PPIC: variants seen among roughly 807,000 people sequenced by gnomAD.
PPIC encodes the protein peptidyl-prolyl cis-trans isomerase C.
A neutral mutation model predicts 19.5 loss-of-function variants in PPIC; 19 were observed. The ratio of observed to expected loss-of-function variants is 0.98; its 90% CI spans 0.68 to 1.43. The LOEUF is 1.43. Ranked by LOEUF, PPIC falls within the 40% of genes most tolerant of loss-of-function variation. The pLI is 0.00. For missense variants in PPIC, 268 were observed against 268.6 expected (o/e 1.00, Z 0.02); for synonymous variants, 107 against 101.2 (o/e 1.06, Z -0.34).
At chr5:123,028,627 T>G (rs1400122595) in intron 3 of PPIC, 148 bp downstream of exon 3, 1 of 588,926 alleles carries the variant, frequency 1.7e-6, no homozygotes, top group Admixed American at 3.4e-5. Flanking sequence ...GCTAGATGAG[T>G]CCCCAAAACT....
chr5:123,036,488 C>T lies in PPIC; in HGVS notation c.117+21G>A, dbSNP rs770123185. 2 of 1,592,992 alleles carry T rather than the reference C, an allele frequency of 1.3e-6. No individual in the cohort carries two copies. On this transcript the variant is annotated intron_variant, in intron 1 of 4. Coordinates refer to ENST00000306442, the MANE Select transcript of PPIC (RefSeq NM_000943.5). This position sits in a 1 kb window ranked among gnomAD's most constrained non-coding sequence, Gnocchi z 4.5. ...GCCCCGCCCGCAACAGGGGAAGTTG[C>T]AGCCCGCCGCTCTCGGTCACCTTGG...
intron 1 of PPIC, 129 bp from the exon 2 acceptor site, chr5:123,029,547 G>T: frequency 7.2e-7 from 1 of 1,394,224 alleles, no homozygotes. Context: ...TTGTAAAGGA[G>T]CATGACATCA....
chr5:123,027,207 A>G (rs1355433500), intron 3 of PPIC, among the ~76,000 whole-genome samples: 1 of 152,082 alleles, frequency 6.6e-6, no homozygotes, highest in African/African-American at 2.4e-5. Context: ...AGAAAAAAAA[A>G]GCCCAGAAGT....
intron 4 of PPIC, among the ~76,000 whole-genome samples, chr5:123,025,132 A>C (rs1290004495): frequency 1.3e-5 from 2 of 152,158 alleles, no homozygotes; most frequent in East Asian, 1.9e-4. Flanking sequence ...TTTGTTTTCA[A>C]CTATTTTATT....
At chr5:123,025,637 T>C (rs777492036) in intron 4 of PPIC, 147 bp downstream of exon 4, 43 of 787,044 alleles carry the variant, frequency 5.5e-5, no homozygotes, top group Non-Finnish European at 8.1e-5. Flanking sequence ...TAAAATGCCA[T>C]ACCATATATA....
intron 1 of PPIC, among the ~76,000 whole-genome samples, chr5:123,032,118 G>A (rs534799079): frequency 7.2e-5 from 11 of 152,290 alleles, no homozygotes; most frequent in African/African-American, 2.6e-4. Context: ...TTAAACAAAG[G>A]GGCAGACACT....
At chr5:123,030,460 T>C (rs1351061841) in intron 1 of PPIC, among the ~76,000 whole-genome samples, 1 of 152,146 alleles carries the variant, frequency 6.6e-6, no homozygotes, top group African/African-American at 2.4e-5. Flanking sequence ...TAAGAACGGT[T>C]GTCAAAGAAA....
chr5:123,024,410 G>A (rs1179122555), intron 4 of PPIC, among the ~76,000 whole-genome samples: 1 of 152,142 alleles, frequency 6.6e-6, no homozygotes, highest in Admixed American at 6.5e-5. Flanking sequence ...TCCTGTAATA[G>A]GTCTTCACAT....
intron 1 of PPIC, among the ~76,000 whole-genome samples, chr5:123,031,510 C>T (rs1473336529): frequency 6.6e-6 from 1 of 152,322 alleles, no homozygotes; most frequent in East Asian, 1.9e-4. Flanking sequence ...TGCAGAGAAG[C>T]AAAGCTGCCC....
rs759853666 is a variant in PPIC, at chr5:123,024,022, A to G, written c.511-19T>C. 6.2e-7 allele frequency: 1 copy of G among 1,609,892 alleles called. No individual in the cohort carries two copies. Among genetic ancestry groups the G allele is most frequent in the South Asian group, 1.1e-5 (1 of 90,384 alleles). ...CCACTGTCTGGTGAGAGAAAAGTAGACACATGGTTTAATTCTGACCAGCAG... is the reference window on the plus strand; with the variant it reads ...CCACTGTCTGGTGAGAGAAAAGTAGGCACATGGTTTAATTCTGACCAGCAG... On this transcript the variant is annotated intron_variant, in intron 4 of 4. Transcript: ENST00000306442.
At position 123,036,463 on chromosome 5, in the gene PPIC, G is replaced by A; in HGVS notation, c.117+46C>T. ...TCCCAGTATCCAAAGCGCCCCCAGG[G>A]CCCCGCCCGCAACAGGGGAAGTTGC... is the stretch of plus-strand genomic sequence containing the variant. On this transcript the variant is annotated intron_variant, in intron 1 of 4. Coordinates refer to ENST00000306442, the MANE Select transcript of PPIC (RefSeq NM_000943.5). The surrounding 1 kb of genome is among the most constrained non-coding windows in gnomAD (Gnocchi z 4.5). The A allele has an allele frequency of 3.3e-6, 5 of 1,535,160 alleles. No homozygotes were observed. Among genetic ancestry groups the A allele is most frequent in the Non-Finnish European group, 3.6e-6 (4 of 1,125,214 alleles).
At chr5:123,028,951 C>A in intron 2 of PPIC, 83 bp from the exon 3 acceptor site, 1 of 1,218,844 alleles carries the variant, frequency 8.2e-7, no homozygotes, top group Non-Finnish European at 1.2e-6. Context: ...AAAGGACAAA[C>A]TGAGAAAATT....
At chr5:123,024,646 T>G (rs1337224195) in intron 4 of PPIC, among the ~76,000 whole-genome samples, 1 of 152,086 alleles carries the variant, frequency 6.6e-6, no homozygotes, top group Non-Finnish European at 1.5e-5. Context: ...AGAAAGTAGG[T>G]TTTTGGTGGG....
Position 123,036,188 on chromosome 5 carries a change from T to C in PPIC, c.117+321A>G. 5.3e-6 allele frequency: 2 copies of C among 376,598 alleles called. No individual in the cohort carries two copies. The allele number at this position is 376,598 out of a possible 1,614,324, so 23.3% of individuals were successfully genotyped here. A position where few individuals can be genotyped will look rare whatever the true frequency, so the allele number is the denominator to read the frequency against. On this transcript the variant is annotated intron_variant, in intron 1 of 4. Transcript: ENST00000306442. This position sits in a 1 kb window ranked among gnomAD's most constrained non-coding sequence, Gnocchi z 4.5. ...GGAAGTACTTGGGCAGTCTCTTTCC[T>C]GGAGAACGGGCCCGCCGGTTCCGGA...
At chr5:123,025,995 A>G in intron 3 of PPIC, 27 bp from the exon 4 acceptor site, 1 of 1,561,060 alleles carries the variant, frequency 6.4e-7, no homozygotes, top group South Asian at 1.2e-5. Flanking sequence ...AAGAAAGTCA[A>G]CAGATGTCTT....
chr5:123,025,140 A>G (rs921444170), intron 4 of PPIC, among the ~76,000 whole-genome samples: 2 of 152,088 alleles, frequency 1.3e-5, no homozygotes, highest in Admixed American at 6.6e-5. Flanking sequence ...CAACTATTTT[A>G]TTTTTAATTC....
Position 123,036,725 on chromosome 5 carries a change from C to T in PPIC, c.-100G>A. 12 of 1,034,038 alleles carry T rather than the reference C, an allele frequency of 1.2e-5. No homozygotes were observed. Among genetic ancestry groups the T allele is most frequent in the Non-Finnish European group, 1.5e-5 (11 of 719,666 alleles). 64.1% of individuals were successfully genotyped at this position (1,034,038 alleles called of 1,614,324 possible). On this transcript the variant is annotated 5_prime_UTR_variant, in exon 1 of 5. Coordinates refer to ENST00000306442, the MANE Select transcript of PPIC (RefSeq NM_000943.5). This position sits in a 1 kb window ranked among gnomAD's most constrained non-coding sequence, Gnocchi z 4.5. Reference sequence around the variant, plus strand: ...CGGGACTGCCGGCCGGCTGCGCCTGCGCGCTCCCGGTTGCGGGGGATGGGG... The same window carrying T: ...CGGGACTGCCGGCCGGCTGCGCCTGTGCGCTCCCGGTTGCGGGGGATGGGG...
intron 1 of PPIC, among the ~76,000 whole-genome samples, chr5:123,032,942 G>A (rs1173099208): frequency 6.6e-6 from 1 of 152,110 alleles, no homozygotes; most frequent in African/African-American, 2.4e-5. Flanking sequence ...GAGATGGGAG[G>A]AGGTAGAGGA....
chr5:123,029,352 CT>C lies in PPIC; in HGVS notation c.183del (p.Val62LeufsTer12). 1.2e-6 allele frequency: 2 copies of C among 1,612,250 alleles called. No individual in the cohort carries two copies. The highest frequency in any genetic ancestry group is 1.7e-6 in the Non-Finnish European group (2 of 1,178,880). On this transcript the variant is annotated frameshift_variant, in exon 2 of 5. Coordinates refer to ENST00000306442, the MANE Select transcript of PPIC (RefSeq NM_000943.5). LOFTEE classifies it high-confidence loss of function. The part of the protein sequence containing the change: ...VGRIVIGLFG[K>X]VVPKTVENFV... ...AAATTTTCCACTGTCTTGGGCACAA[CT>C]TTTCCAAAGAGGCCAATCACAATTC...
Sources: gnomAD v4.1 joint callset for allele counts (sites outside exome capture counted in the v4.1 genomes callset) on GRCh38, gnomAD v4.1.1 for gene constraint, Gnocchi (gnomAD v3.1) non-coding constraint, MANE v1.5 for transcripts, NCBI Gene and HGNC (gene_info 2026-07-23, HGNC 2026-07-21) for gene names.